LRRTM4: variants seen among roughly 807,000 people sequenced by gnomAD.
LRRTM4 encodes leucine rich repeat transmembrane neuronal 4, also known as leucine-rich repeat transmembrane neuronal protein 4.
Under a neutral mutation model 47.6 loss-of-function variants are expected in LRRTM4, and 25 were observed. The observed-to-expected ratio is 0.53, with a 90% CI of 0.38 to 0.73. The LOEUF (loss-of-function observed/expected upper bound fraction) is 0.73, where lower values mean the gene tolerates loss of function less well. Among genes scored for constraint, LRRTM4 ranks in the 30% least tolerant of loss-of-function variants. LRRTM4 has a pLI of 0.00. For synonymous variants in LRRTM4, 311 were observed against 269.5 expected, an observed-to-expected ratio of 1.15 and a Z score of -1.51; for missense variants, 638 against 713.4, an observed-to-expected ratio of 0.89 and a Z score of 1.20.
At chr2:77,031,688 C>T (rs866352372) in intron 3 of LRRTM4, among the ~76,000 whole-genome samples, 4 of 152,136 alleles carry the variant, frequency 2.6e-5, no homozygotes, top group African/African-American at 9.6e-5. Flanking sequence ...CCCAAATGAA[C>T]GTCTCCAGTC....
intron 3 of LRRTM4, among the ~76,000 whole-genome samples, chr2:77,408,259 C>T (rs1228451356): frequency 6.6e-6 from 1 of 152,106 alleles, no homozygotes; most frequent in Admixed American, 6.6e-5. Context: ...GACATCCTGC[C>T]ATGGTGCTCC....
At chr2:77,374,381 C>A (rs776787236) in intron 3 of LRRTM4, among the ~76,000 whole-genome samples, 2 of 151,746 alleles carry the variant, frequency 1.3e-5, no homozygotes, top group Admixed American at 1.3e-4. Context: ...AAAATGATAT[C>A]CCAGGTTCTA....
Position 76,756,559 on chromosome 2 carries a change from A to G in LRRTM4, c.1552-7643T>C, listed in dbSNP as rs190078564. ...CATATTTAAAGAAGGTAATTCTTCA[A>G]GTGACTTCCTAAAACAAAATCTCTC... is the stretch of plus-strand genomic sequence containing the variant. On this transcript the variant is annotated intron_variant, in intron 3 of 3. Transcript: ENST00000409884. 4.3e-4 allele frequency among the ~76,000 whole-genome samples: 66 copies of G among 152,284 alleles called. 3 individuals carry two copies. The East Asian group carries it at 0.011, about 25-fold the overall frequency.
At chr2:77,112,997 A>T (rs1353017475) in intron 3 of LRRTM4, among the ~76,000 whole-genome samples, 1 of 152,172 alleles carries the variant, frequency 6.6e-6, no homozygotes, top group Non-Finnish European at 1.5e-5. Context: ...TAGCTAAAAA[A>T]TCAGGGTATA....
At chr2:77,454,162 A>G (rs919318169) in intron 3 of LRRTM4, among the ~76,000 whole-genome samples, 2 of 152,210 alleles carry the variant, frequency 1.3e-5, no homozygotes, top group African/African-American at 2.4e-5. Context: ...AATGTCTATT[A>G]AAGCAGAAAT....
chr2:77,140,655 C>T (rs1381954123), intron 3 of LRRTM4, among the ~76,000 whole-genome samples: 1 of 152,116 alleles, frequency 6.6e-6, no homozygotes, highest in Non-Finnish European at 1.5e-5. Context: ...AGCTTCTGCA[C>T]AGCAAAAGAA....
intron 3 of LRRTM4, among the ~76,000 whole-genome samples, chr2:77,138,206 G>T (rs1046306129): frequency 6.6e-6 from 1 of 152,052 alleles, no homozygotes; most frequent in African/African-American, 2.4e-5. Flanking sequence ...TTCCAAAATT[G>T]ACCACATAGT....
At chr2:77,292,288 G>T (rs1162730530) in intron 3 of LRRTM4, among the ~76,000 whole-genome samples, 1 of 151,072 alleles carries the variant, frequency 6.6e-6, no homozygotes, top group Non-Finnish European at 1.5e-5. Flanking sequence ...AGTCAGTGTG[G>T]TGATTCCTCA....
intron 3 of LRRTM4, among the ~76,000 whole-genome samples, chr2:76,902,348 T>C (rs1573284933): frequency 6.6e-6 from 1 of 152,024 alleles, no homozygotes; most frequent in South Asian, 2.1e-4. Flanking sequence ...AACCATGATT[T>C]AAAAAAAATA....
intron 3 of LRRTM4, among the ~76,000 whole-genome samples, chr2:77,449,283 T>C (rs1426406893): frequency 3.9e-5 from 6 of 152,204 alleles, no homozygotes; most frequent in Non-Finnish European, 8.8e-5. Context: ...GCATAAGCTT[T>C]AGAATGAGAG....
At chr2:77,484,741 T>C (rs1198384370) in intron 3 of LRRTM4, among the ~76,000 whole-genome samples, 1 of 152,204 alleles carries the variant, frequency 6.6e-6, no homozygotes, top group Non-Finnish European at 1.5e-5. Context: ...ATAAAAATGC[T>C]TAAAAGTTTA....
intron 3 of LRRTM4, among the ~76,000 whole-genome samples, chr2:77,377,399 A>C (rs1327679364): frequency 6.6e-6 from 1 of 151,990 alleles, no homozygotes; most frequent in Non-Finnish European, 1.5e-5. Context: ...TATGTGTAAT[A>C]TTATTCTGCA....
At chr2:76,865,427 G>C (rs1174771744) in intron 3 of LRRTM4, among the ~76,000 whole-genome samples, 1 of 152,018 alleles carries the variant, frequency 6.6e-6, no homozygotes, top group African/African-American at 2.4e-5. Context: ...TTTTTGAATA[G>C]GTTTATAAAA....
intron 3 of LRRTM4, among the ~76,000 whole-genome samples, chr2:77,088,793 C>T (rs1261057661): frequency 6.6e-6 from 1 of 152,148 alleles, no homozygotes; most frequent in Non-Finnish European, 1.5e-5. Flanking sequence ...ACCCACCAGC[C>T]CAAGAAACAT....
chr2:76,959,365 A>T (rs1336497499), intron 3 of LRRTM4, among the ~76,000 whole-genome samples: 3 of 151,604 alleles, frequency 2.0e-5, no homozygotes, highest in African/African-American at 4.8e-5. Context: ...ATAAACATAG[A>T]AAAATATCAC....
chr2:77,073,008 A>G (rs1003728563), intron 3 of LRRTM4, among the ~76,000 whole-genome samples: 8 of 152,132 alleles, frequency 5.3e-5, no homozygotes, highest in African/African-American at 1.9e-4. Flanking sequence ...TAATATCAAT[A>G]GCCTCATTGA....
chr2:76,989,681 G>C (rs1315173819), intron 3 of LRRTM4: 1 of 97,218 alleles, frequency 1.0e-5, no homozygotes, highest in Non-Finnish European at 1.8e-5. Flanking sequence ...ATCTCAGTGT[G>C]TTATTGTTAC....
At chr2:77,057,645 C>G (rs1181112620) in intron 3 of LRRTM4, among the ~76,000 whole-genome samples, 4 of 152,140 alleles carry the variant, frequency 2.6e-5, no homozygotes, top group African/African-American at 9.7e-5. Context: ...AGAACCACCT[C>G]AGGTGGTTTC....
At chr2:76,995,180 G>T (rs1400341843) in intron 3 of LRRTM4, among the ~76,000 whole-genome samples, 2 of 151,996 alleles carry the variant, frequency 1.3e-5, no homozygotes, top group Non-Finnish European at 2.9e-5. Context: ...ATTACGAATG[G>T]AAAGAGCTAC....
Sources: allele counts gnomAD v4.1 joint callset (sites outside exome capture counted in the v4.1 genomes callset), GRCh38; gene constraint gnomAD v4.1.1; transcripts MANE v1.5; gene names NCBI Gene and HGNC (gene_info 2026-07-23, HGNC 2026-07-21).